UHRF1: variants seen among roughly 807,000 people sequenced by gnomAD.
UHRF1 encodes the protein ubiquitin like with PHD and ring finger domains 1, also known as E3 ubiquitin-protein ligase UHRF1.
In UHRF1, 9 loss-of-function variants were observed where a neutral mutation model predicts 96.5. That is an observed-to-expected ratio of 0.09 (90% CI 0.06 to 0.16). The LOEUF is 0.16. Ranked by LOEUF, UHRF1 falls within the 10% of genes least tolerant of loss-of-function variation. The pLI, the probability that UHRF1 is intolerant of heterozygous loss-of-function variation, is 1.00. For synonymous variants in UHRF1, 455 were observed against 469.9 expected (o/e 0.97, Z 0.41); for missense variants, 626 against 1,131.1 (o/e 0.55, Z 6.40).
chr19:4,905,613 G>A (rs757207711), upstream of UHRF1, among the ~76,000 whole-genome samples: 2 of 151,906 alleles, frequency 1.3e-5, no homozygotes, highest in African/African-American at 2.4e-5. Context: ...CGCCTCCTGG[G>A]TTCAAGCAAT....
intron 13 of UHRF1, among the ~76,000 whole-genome samples, chr19:4,952,906 G>A (rs541949388): frequency 4.6e-5 from 7 of 152,174 alleles, no homozygotes; most frequent in African/African-American, 1.4e-4. Flanking sequence ...AAGTTTCTGG[G>A]GAAACAGTCA....
At chr19:4,940,029 A>AG (rs1037135341) in intron 5 of UHRF1, among the ~76,000 whole-genome samples, 1 of 151,140 alleles carries the variant, frequency 6.6e-6, no homozygotes, top group African/African-American at 2.5e-5. Flanking sequence ...CTCAAAAAAA[A>AG]AAAAAAAAAC....
intron 15 of UHRF1, among the ~76,000 whole-genome samples, chr19:4,956,344 C>T (rs895228924): frequency 2.6e-5 from 4 of 152,198 alleles, no homozygotes; most frequent in Admixed American, 6.5e-5. Flanking sequence ...GGATGACAGG[C>T]GTGAGCTGCC....
At chr19:4,937,009 C>T (rs1378430305) in intron 5 of UHRF1, among the ~76,000 whole-genome samples, 2 of 151,880 alleles carry the variant, frequency 1.3e-5, no homozygotes, top group African/African-American at 4.8e-5. Context: ...CCATCCCCAC[C>T]TGGTCCCTGA....
chr19:4,923,947 AC>A, intron 2 of UHRF1, among the ~76,000 whole-genome samples: 1 of 152,004 alleles, frequency 6.6e-6, no homozygotes, highest in Non-Finnish European at 1.5e-5. Context: ...GCTTTTCCTG[AC>A]CCAGTGATAT....
intron 16 of UHRF1, among the ~76,000 whole-genome samples, chr19:4,960,191 T>G (rs1201279861): frequency 1.3e-5 from 2 of 152,242 alleles, no homozygotes; most frequent in Non-Finnish European, 2.9e-5. Flanking sequence ...GTATACACTG[T>G]GCTTGGTGTT....
At chr19:4,948,120 AC>A (rs34257048) in intron 11 of UHRF1, among the ~76,000 whole-genome samples, 7 of 148,602 alleles carry the variant, frequency 4.7e-5, no homozygotes, top group South Asian at 4.3e-4. Context: ...AAAAAAAAAA[AC>A]CCCTCCAAAA....
At chr19:4,933,454 T>C (rs2033122088) in intron 5 of UHRF1, among the ~76,000 whole-genome samples, 1 of 152,198 alleles carries the variant, frequency 6.6e-6, no homozygotes, top group African/African-American at 2.4e-5. Context: ...GACCTCGTGA[T>C]CTGCCTGCCT....
chr19:4,923,276 G>C (rs769370626), intron 2 of UHRF1, among the ~76,000 whole-genome samples: 12 of 152,118 alleles, frequency 7.9e-5, no homozygotes, highest in Non-Finnish European at 1.6e-4. Context: ...TCCTGGCTCC[G>C]TCTGCTCCTC....
At position 4,910,869 on chromosome 19, in the gene UHRF1, C is replaced by T. The variant is rs763875082; in HGVS notation, c.-10-7C>T. 2.8e-5 allele frequency: 45 copies of T among 1,596,238 alleles called. No individual in the cohort carries two copies. The Middle Eastern group carries it at 6.7e-4, about 24-fold the overall frequency. ...CTGATGGGGGTTTTTGCTGTCCCTCCCCTCAGCGCCGACACCATGTGGATC... is the reference window on the plus strand; with the variant it reads ...CTGATGGGGGTTTTTGCTGTCCCTCTCCTCAGCGCCGACACCATGTGGATC... On this transcript the variant is annotated splice_region_variant and splice_polypyrimidine_tract_variant and intron_variant, in intron 1 of 16. Transcript: ENST00000650932.
intron 10 of UHRF1, among the ~76,000 whole-genome samples, 198 bp from the exon 11 acceptor site, chr19:4,946,907 C>T (rs970151425): frequency 6.6e-6 from 1 of 152,046 alleles, no homozygotes; most frequent in Non-Finnish European, 1.5e-5. Flanking sequence ...ACGCACCACA[C>T]TGTTTGTATA....
chr19:4,909,148 A>G, upstream of UHRF1: 1 of 296,924 alleles, frequency 3.4e-6, no homozygotes, highest in Non-Finnish European at 6.3e-6. Flanking sequence ...GCCTTCTTAG[A>G]CCTACTGGTC....
intron 16 of UHRF1, among the ~76,000 whole-genome samples, chr19:4,960,437 T>C (rs1469784466): frequency 6.6e-6 from 1 of 152,082 alleles, no homozygotes; most frequent in Non-Finnish European, 1.5e-5. Flanking sequence ...TTAAGCTGCA[T>C]GACCTGCCAG....
chr19:4,932,593 C>T (rs1450568082), intron 4 of UHRF1, 148 bp from the exon 5 acceptor site: 1 of 784,984 alleles, frequency 1.3e-6, no homozygotes, highest in Non-Finnish European at 2.0e-6. Flanking sequence ...CCTTAATATA[C>T]CTGTGTGTTC....
intron 2 of UHRF1, among the ~76,000 whole-genome samples, chr19:4,917,739 CCT>C (rs1216990160): frequency 1.3e-5 from 2 of 151,366 alleles, no homozygotes; most frequent in Non-Finnish European, 2.9e-5. Context: ...CTTACTGCAA[CCT>C]CTGTTTTCCA....
At chr19:4,916,442 C>T (rs891639652) in intron 2 of UHRF1, among the ~76,000 whole-genome samples, 1 of 152,212 alleles carries the variant, frequency 6.6e-6, no homozygotes, top group Non-Finnish European at 1.5e-5. Context: ...CTGTGCCCTC[C>T]TGAGACCGCA....
chr19:4,954,480 A>G lies in UHRF1; in HGVS notation c.1949A>G (p.Lys650Arg), dbSNP rs746655283. 5.6e-6 allele frequency: 9 copies of G among 1,609,052 alleles called. No individual in the cohort carries two copies. The highest frequency in any genetic ancestry group is 6.8e-6 in the Non-Finnish European group (8 of 1,176,212). ...ACGGGCAAGGGCAAGTGGAAGCGGA[A>G]GTCGGCAGGTGAGAATCTCGTGGGT... ...PRTGKGKWKR[K>R]SAGGGPSRAG... Residue 650 changes from lysine (K) to arginine (R), a missense_variant, in exon 14 of 17, where the codon AAG becomes AGG. Physicochemically the swap from Lys to Arg is conservative, Grantham distance 26. Coordinates refer to ENST00000650932, the MANE Select transcript of UHRF1 (RefSeq NM_001048201.3). This position sits in a 1 kb window ranked among gnomAD's most constrained non-coding sequence, Gnocchi z 5.9.
chr19:4,937,187 T>G (rs1464504415), intron 5 of UHRF1, among the ~76,000 whole-genome samples: 1 of 152,170 alleles, frequency 6.6e-6, no homozygotes, highest in Non-Finnish European at 1.5e-5. Context: ...TGGGATTGAT[T>G]CTTTTTTTCC....
intron 3 of UHRF1, 131 bp downstream of exon 3, chr19:4,929,607 G>A: frequency 1.3e-5 from 18 of 1,336,420 alleles, no homozygotes; most frequent in Non-Finnish European, 1.8e-5. Flanking sequence ...AATGGCCAAG[G>A]GGTGGTTTCC....
Sources: gnomAD v4.1 joint callset for allele counts (sites outside exome capture counted in the v4.1 genomes callset) on GRCh38, gnomAD v4.1.1 for gene constraint, Gnocchi (gnomAD v3.1) non-coding constraint, MANE v1.5 for transcripts, NCBI Gene and HGNC (gene_info 2026-07-23, HGNC 2026-07-21) for gene names.